The following ESR2 variants were observed in gnomAD, a reference collection of about 807,000 sequenced individuals.
The protein encoded by ESR2 is estrogen receptor beta.
Under a neutral mutation model 49.6 loss-of-function variants are expected in ESR2, and 36 were observed. The observed-to-expected ratio is 0.73, with a 90% CI of 0.56 to 0.96. The LOEUF is 0.96. Ranked by LOEUF, ESR2 falls within the 40% of genes least tolerant of loss-of-function variation. The pLI, the probability that ESR2 is intolerant of heterozygous loss-of-function variation, is 0.00. For missense variants in ESR2, 714 were observed against 693.0 expected (o/e 1.03, Z -0.34); for synonymous variants, 320 against 266.1 (o/e 1.20, Z -1.97).
chr14:64,275,121 T>C (rs956151665), intron 3 of ESR2, among the ~76,000 whole-genome samples: 2 of 152,368 alleles, frequency 1.3e-5, no homozygotes, highest in African/African-American at 2.4e-5. Context: ...ATTTGGTCTT[T>C]AGTGCAGATT....
At chr14:64,320,391 C>T (rs1243836239) in intron 1 of ESR2, among the ~76,000 whole-genome samples, 5 of 151,180 alleles carry the variant, frequency 3.3e-5, no homozygotes, top group Non-Finnish European at 7.4e-5. Flanking sequence ...CATAGCGAGA[C>T]ATCCATCTCA....
intron 2 of ESR2, among the ~76,000 whole-genome samples, chr14:64,281,350 G>C (rs1356434747): frequency 1.3e-5 from 2 of 151,898 alleles, no homozygotes; most frequent in Non-Finnish European, 2.9e-5. Context: ...TATAAATGAA[G>C]GTAATTATAT....
In ESR2 at chr14:64,234,991, A is replaced by C; in HGVS notation, c.1385T>G (p.Leu462Arg). 6.2e-7 allele frequency: 1 copy of C among 1,614,230 alleles called. No individual in the cohort carries two copies. The highest frequency in any genetic ancestry group is 1.3e-5 in the African/African-American group (1 of 75,070). The change falls in exon 8 of 9, where the codon CTG (leucine) becomes CGG (arginine). Residue 462 changes from leucine to arginine, a missense_variant. Physicochemically the swap from Leu to Arg is moderately radical, Grantham distance 102. Transcript: ENST00000341099. ...GTACCTCGCATGCCTGACGTGGGAC[A>C]GGAGCATCAGGAGGTTAGCCAGGCG... ...SMRLANLLML[L>R]SHVRHASNKG...
At chr14:64,331,783 A>ATTGCACTC (rs2077462275) in intron 1 of ESR2, among the ~76,000 whole-genome samples, 1 of 143,190 alleles carries the variant, frequency 7.0e-6, no homozygotes, top group African/African-American at 2.6e-5. Context: ...AGATCATGCC[A>ATTGCACTC]TTGCACTCCA....
At chr14:64,311,905 A>T (rs941962158) in intron 1 of ESR2, among the ~76,000 whole-genome samples, 1 of 152,204 alleles carries the variant, frequency 6.6e-6, no homozygotes, top group Non-Finnish European at 1.5e-5. Context: ...GGAATCTTGG[A>T]ACATCAGGAG....
At chr14:64,262,139 GTC>G (rs2076237577) in intron 4 of ESR2, among the ~76,000 whole-genome samples, 1 of 145,756 alleles carries the variant, frequency 6.9e-6, no homozygotes, top group African/African-American at 2.6e-5. Context: ...AAGAGACAAG[GTC>G]TCTGTCACCC....
At chr14:64,313,830 G>T (rs2077215635) in intron 1 of ESR2, among the ~76,000 whole-genome samples, 1 of 148,980 alleles carries the variant, frequency 6.7e-6, no homozygotes, top group Non-Finnish European at 1.5e-5. Context: ...AGTGAGTGGA[G>T]ATCTCGCCAC....
At chr14:64,250,198 G>A (rs564468113) in intron 6 of ESR2, among the ~76,000 whole-genome samples, 5 of 152,294 alleles carry the variant, frequency 3.3e-5, no homozygotes, top group South Asian at 4.1e-4. Flanking sequence ...AGAAACTTGT[G>A]TAGCAACTAA....
chr14:64,303,520 C>T (rs561190072), intron 1 of ESR2: 2 of 152,246 alleles, frequency 1.3e-5, no homozygotes, highest in Non-Finnish European at 2.9e-5. Flanking sequence ...CTCCTGCTCC[C>T]TCTATCGTCC....
At chr14:64,277,722 CTTTCAG>C (rs1176948948) in intron 3 of ESR2, among the ~76,000 whole-genome samples, 2 of 151,326 alleles carry the variant, frequency 1.3e-5, no homozygotes, top group Admixed American at 6.6e-5. Context: ...TAAGTGGCCA[CTTTCAG>C]TTACTGTAAT....
intron 1 of ESR2, chr14:64,330,478 C>T (rs1254340735): frequency 6.6e-6 from 1 of 151,744 alleles, no homozygotes; most frequent in Non-Finnish European, 1.5e-5. Context: ...CAGACACTTA[C>T]TGGCAAGTCC....
chr14:64,289,309 T>C (rs1048277519), intron 1 of ESR2, among the ~76,000 whole-genome samples: 11 of 152,046 alleles, frequency 7.2e-5, no homozygotes, highest in Non-Finnish European at 1.0e-4. Flanking sequence ...GGTCGGGAGT[T>C]TGAGACCAGC....
chr14:64,285,111 AG>A (rs1260950581), intron 1 of ESR2, among the ~76,000 whole-genome samples: 2 of 152,090 alleles, frequency 1.3e-5, no homozygotes, highest in Admixed American at 6.5e-5. Flanking sequence ...GGCCTCCCAA[AG>A]TGCTGGGATT....
At chr14:64,302,321 G>A (rs1454128434) in intron 1 of ESR2, among the ~76,000 whole-genome samples, 1 of 151,732 alleles carries the variant, frequency 6.6e-6, no homozygotes, top group Non-Finnish European at 1.5e-5. Context: ...CAAATAGCTG[G>A]GACTACAGGC....
intron 1 of ESR2, among the ~76,000 whole-genome samples, chr14:64,300,435 TAAC>T (rs769938111): frequency 3.3e-5 from 5 of 152,188 alleles, no homozygotes; most frequent in Admixed American, 2.6e-4. Flanking sequence ...AGAAAATTCT[TAAC>T]AACTTCTTTA....
In ESR2 at chr14:64,232,293, TCACCCA is replaced by T. The variant is rs536195897; in HGVS notation, c.*838_*843del. On this transcript the variant is annotated 3_prime_UTR_variant, in exon 9 of 9. Coordinates refer to ENST00000341099, the MANE Select transcript of ESR2 (RefSeq NM_001437.3). ...TTGCCCCAGGGAAACACTGTGGCTG[TCACCCA>T]CACCCACAGGAGAGAACCCCATTCC... 6.6e-6 allele frequency: 1 copy of T among 152,252 alleles called. No individual in the cohort carries two copies. The highest frequency in any genetic ancestry group is 2.4e-5 in the African/African-American group (1 of 41,434). 9.4% of individuals were successfully genotyped at this position (152,252 alleles called of 1,614,324 possible). A position where few individuals can be genotyped will look rare whatever the true frequency, so the allele number is the denominator to read the frequency against.
At chr14:64,315,225 C>A (rs1463259432) in intron 1 of ESR2, among the ~76,000 whole-genome samples, 2 of 113,754 alleles carry the variant, frequency 1.8e-5, no homozygotes, top group Admixed American at 1.3e-4. Flanking sequence ...GCTTGGGCAA[C>A]AGAGCGAGAG....
At position 64,234,929 on chromosome 14, in the gene ESR2, C is replaced by T. The variant is rs200359377; in HGVS notation, c.1406+41G>A. The stretch of plus-strand genomic sequence containing the variant: ...TTCACCCTCCGTGGAGCACATAATC[C>T]CATCCCAAGCCCAAGCAGAGCAGCT... On this transcript the variant is annotated intron_variant, in intron 8 of 8. Coordinates refer to ENST00000341099, the MANE Select transcript of ESR2 (RefSeq NM_001437.3). 522 of 1,599,800 alleles carry T rather than the reference C, an allele frequency of 3.3e-4. 2 individuals carry two copies. The highest frequency in any genetic ancestry group is 2.5e-3 in the South Asian group (226 of 90,622).
chr14:64,254,411 A>C (rs996372860), intron 6 of ESR2, among the ~76,000 whole-genome samples: 1 of 152,124 alleles, frequency 6.6e-6, no homozygotes, highest in Non-Finnish European at 1.5e-5. Context: ...ACTATCTTAG[A>C]CTTCAAGTTC....
Sources: allele counts gnomAD v4.1 joint callset (sites outside exome capture counted in the v4.1 genomes callset), GRCh38; gene constraint gnomAD v4.1.1; transcripts MANE v1.5; gene names NCBI Gene and HGNC (gene_info 2026-07-23, HGNC 2026-07-21).